FRMD6: variants seen among roughly 807,000 people sequenced by gnomAD.
FRMD6 encodes FERM domain-containing protein 6.
In FRMD6, 37 loss-of-function variants were observed where a neutral mutation model predicts 73.2. The observed-to-expected ratio is 0.51, with a 90% CI of 0.39 to 0.66. The LOEUF (loss-of-function observed/expected upper bound fraction) is 0.66. Ranked by LOEUF, FRMD6 falls within the 30% of genes least tolerant of loss-of-function variation. FRMD6 has a pLI of 0.00. For synonymous variants in FRMD6, 273 were observed against 282.2 expected, an observed-to-expected ratio of 0.97 and a Z score of 0.33; for missense variants, 714 against 780.5, an observed-to-expected ratio of 0.91 and a Z score of 1.02.
At chr14:51,606,990 G>A (rs1005294364) in intron 2 of FRMD6, among the ~76,000 whole-genome samples, 1 of 152,100 alleles carries the variant, frequency 6.6e-6, no homozygotes, top group African/African-American at 2.4e-5. Flanking sequence ...CCAGCAGACA[G>A]GTCTGCACTT....
At chr14:51,433,177 ATC>A in the FRMD6 span, among the ~76,000 whole-genome samples, 3 of 152,208 alleles carry the variant, frequency 2.0e-5, no homozygotes, top group Non-Finnish European at 4.4e-5. Flanking sequence ...TGACTCAGAA[ATC>A]TCATTTTAGA....
intron 1 of FRMD6, among the ~76,000 whole-genome samples, chr14:51,543,045 C>T (rs905298361): frequency 6.6e-6 from 1 of 151,930 alleles, no homozygotes; most frequent in African/African-American, 2.4e-5. Flanking sequence ...ATTGTCTTTT[C>T]ACTCTGTTGA....
chr14:51,709,389 G>A (rs1374029905), intron 7 of FRMD6, among the ~76,000 whole-genome samples: 2 of 152,200 alleles, frequency 1.3e-5, no homozygotes, highest in Non-Finnish European at 2.9e-5. Flanking sequence ...ATGATGTTAA[G>A]TTGGCTGCTG....
chr14:51,617,949 C>G (rs1890777880), intron 2 of FRMD6, among the ~76,000 whole-genome samples: 1 of 152,180 alleles, frequency 6.6e-6, no homozygotes, highest in South Asian at 2.1e-4. Context: ...CATTTACTTG[C>G]AAGTGTTTAA....
At chr14:51,656,614 A>G (rs924388430) in intron 1 of FRMD6, among the ~76,000 whole-genome samples, 1 of 152,014 alleles carries the variant, frequency 6.6e-6, no homozygotes, top group African/African-American at 2.4e-5. Context: ...AGGTTTCACC[A>G]TGTTGGCCAG....
At chr14:51,525,080 TA>T (rs57780794) in intron 1 of FRMD6, among the ~76,000 whole-genome samples, 2,940 of 44,748 alleles carry the variant, frequency 0.066, 46 homozygotes, top group East Asian at 0.13. Flanking sequence ...AATAGATAGA[TA>T]GATAGATAGA....
At chr14:51,469,396 G>A in the FRMD6 span, among the ~76,000 whole-genome samples, 3 of 149,792 alleles carry the variant, frequency 2.0e-5, no homozygotes, top group Admixed American at 6.6e-5. Context: ...GGCGGATCAC[G>A]AGGTCAGCAG....
intron 1 of FRMD6, among the ~76,000 whole-genome samples, chr14:51,671,645 G>A (rs997433051): frequency 1.3e-5 from 2 of 152,126 alleles, no homozygotes; most frequent in Admixed American, 6.6e-5. Context: ...CAAATTTATG[G>A]TGAAGCTTGG....
At chr14:51,647,195 A>T (rs190538805), upstream of FRMD6, among the ~76,000 whole-genome samples, 2 of 152,324 alleles carry the variant, frequency 1.3e-5, no homozygotes, top group East Asian at 3.9e-4. Flanking sequence ...AGGAGAATAG[A>T]ATTTAATGAA....
the FRMD6 span, among the ~76,000 whole-genome samples, chr14:51,469,891 A>G: frequency 6.6e-6 from 1 of 152,076 alleles, no homozygotes; most frequent in Non-Finnish European, 1.5e-5. Context: ...AATCATTTGC[A>G]CCTAGAGTTT....
At chr14:51,706,100 G>A (rs1250980033) in intron 6 of FRMD6, among the ~76,000 whole-genome samples, 4 of 151,998 alleles carry the variant, frequency 2.6e-5, no homozygotes, top group African/African-American at 7.2e-5. Flanking sequence ...CTCTGAGTAC[G>A]TGGGAGTCAT....
the FRMD6 span, among the ~76,000 whole-genome samples, chr14:51,447,567 C>T: frequency 2.4e-4 from 37 of 152,322 alleles, no homozygotes; most frequent in African/African-American, 8.2e-4. Context: ...GCAGCAGTTA[C>T]AAATGTGCAG....
chr14:51,449,307 C>T, the FRMD6 span, among the ~76,000 whole-genome samples: 1 of 152,168 alleles, frequency 6.6e-6, no homozygotes, highest in Non-Finnish European at 1.5e-5. Flanking sequence ...GGAGGTTCTT[C>T]AGGAGAAACA....
chr14:51,688,130 A>G (rs1345128591), intron 1 of FRMD6, among the ~76,000 whole-genome samples: 1 of 151,026 alleles, frequency 6.6e-6, no homozygotes, highest in Non-Finnish European at 1.5e-5. Context: ...TTTTTTTTTC[A>G]AGATGGATGA....
At chr14:51,698,352 G>A in intron 3 of FRMD6, 120 bp downstream of exon 3, 1 of 526,078 alleles carries the variant, frequency 1.9e-6, no homozygotes, top group Non-Finnish European at 3.3e-6. Flanking sequence ...AATACCCATG[G>A]ACTGATTTTC....
intron 1 of FRMD6, among the ~76,000 whole-genome samples, chr14:51,491,260 G>A (rs907762777): frequency 4.6e-5 from 7 of 152,222 alleles, no homozygotes; most frequent in African/African-American, 1.4e-4. Context: ...AGGCCCACAG[G>A]CAAGGTTGAT....
intron 1 of FRMD6, among the ~76,000 whole-genome samples, chr14:51,658,097 GC>G (rs1892966181): frequency 6.6e-6 from 1 of 152,180 alleles, no homozygotes; most frequent in Non-Finnish European, 1.5e-5. Flanking sequence ...CTGAAAACCA[GC>G]TCCCTACTAT....
At chr14:51,482,974 T>C in the FRMD6 span, among the ~76,000 whole-genome samples, 1 of 152,160 alleles carries the variant, frequency 6.6e-6, no homozygotes, top group Non-Finnish European at 1.5e-5. Context: ...AGTGCTGGGA[T>C]GACAAGCGTG....
chr14:51,684,605 C>G (rs1895025407), intron 1 of FRMD6, among the ~76,000 whole-genome samples: 1 of 152,106 alleles, frequency 6.6e-6, no homozygotes, highest in Non-Finnish European at 1.5e-5. Flanking sequence ...CCCCAGAGAA[C>G]ATTCTGGAAT....
Sources: allele counts gnomAD v4.1 joint callset (sites outside exome capture counted in the v4.1 genomes callset), GRCh38; gene constraint gnomAD v4.1.1; transcripts MANE v1.5; gene names NCBI Gene and HGNC (gene_info 2026-07-23, HGNC 2026-07-21).